MCM10: variants seen among roughly 807,000 people sequenced by gnomAD.
The protein encoded by MCM10 is protein MCM10 homolog.
Under a neutral mutation model 109.9 loss-of-function variants are expected in MCM10, and 91 were observed. The observed-to-expected ratio is 0.83, with a 90% CI of 0.70 to 0.99. The LOEUF (loss-of-function observed/expected upper bound fraction) is 0.99, where lower values mean the gene tolerates loss of function less well. MCM10 is among the 50% of genes least tolerant of loss of function. The pLI is 0.00. For missense variants in MCM10, 1,077 were observed against 1,061.2 expected (o/e 1.01, Z -0.21); for synonymous variants, 380 against 387.2 (o/e 0.98, Z 0.22).
intron 6 of MCM10, among the ~76,000 whole-genome samples, chr10:13,176,808 C>T (rs551256879): frequency 1.3e-5 from 2 of 152,250 alleles, no homozygotes; most frequent in Admixed American, 6.5e-5. Flanking sequence ...GCAGGAAGTT[C>T]GCTTGAGCCC....
intron 15 of MCM10, 35 bp from the exon 16 acceptor site, chr10:13,198,654 T>C (rs765870799): frequency 5.0e-6 from 7 of 1,413,096 alleles, no homozygotes; most frequent in East Asian, 2.3e-5. Context: ...CTGAAATTTC[T>C]TGGTCGCTGC....
intron 5 of MCM10, among the ~76,000 whole-genome samples, chr10:13,173,990 A>G (rs1834108674): frequency 6.6e-6 from 1 of 152,158 alleles, no homozygotes; most frequent in Non-Finnish European, 1.5e-5. Flanking sequence ...AAACACTTCT[A>G]AAATATGAAA....
intron 7 of MCM10, among the ~76,000 whole-genome samples, chr10:13,181,038 T>C (rs1834203201): frequency 6.6e-6 from 1 of 152,206 alleles, no homozygotes; most frequent in African/African-American, 2.4e-5. Flanking sequence ...TGTGATATAT[T>C]TAATTTGATG....
rs1834086179 is a variant in MCM10 at position 13,172,430 on chromosome 10, TAAC to T, written c.410_412del (p.Thr137del). 1.2e-6 allele frequency: 2 copies of T among 1,614,058 alleles called. No individual in the cohort carries two copies. The highest frequency in any genetic ancestry group is 1.7e-6 in the Non-Finnish European group (2 of 1,179,994). ...AAGGCCTTACAAGAGCAGCTAAAAG[TAAC>T]AACAATTAAACAGACAGCAAGCCCA... On this transcript the variant is annotated inframe_deletion, in exon 4 of 20. Coordinates refer to ENST00000378714, the MANE Select transcript of MCM10 (RefSeq NM_018518.5). This position sits in a 1 kb window ranked among gnomAD's most constrained non-coding sequence, Gnocchi z 5.2.
intron 18 of MCM10, among the ~76,000 whole-genome samples, chr10:13,205,049 T>C (rs1834560814): frequency 8.6e-6 from 1 of 116,166 alleles, no homozygotes; most frequent in Admixed American, 9.2e-5. Flanking sequence ...TATATATATA[T>C]ATATTAATTT....
Position 13,185,343 on chromosome 10 carries a change from G to T in MCM10, c.1099-821G>T, listed in dbSNP as rs562377284. On this transcript the variant is annotated intron_variant, in intron 8 of 19. Transcript: ENST00000378714. ...GAGCTATTCAGGACAGTCCCTCTTG[G>T]TACAGTCTGTCCAAGAAGAGAATTG... Among the ~76,000 whole-genome samples, 12 of 152,302 alleles carry T rather than the reference G, an allele frequency of 7.9e-5. No homozygotes were observed. In the South Asian group the frequency reaches 2.5e-3, roughly 32 times the overall value.
chr10:13,204,154 G>T (rs1050037891), intron 17 of MCM10, 65 bp from the exon 18 acceptor site: 2 of 1,577,532 alleles, frequency 1.3e-6, no homozygotes, highest in Non-Finnish European at 1.7e-6. Flanking sequence ...TGCCCTTACT[G>T]CAGCTGAGCA....
chr10:13,183,049 C>T lies in MCM10; in HGVS notation c.1047C>T (p.Val349=), dbSNP rs773249942. 25 of 1,614,000 alleles carry T rather than the reference C, an allele frequency of 1.5e-5. 1 individual carries two copies. Among genetic ancestry groups the T allele is most frequent in the Middle Eastern group, 3.3e-4 (2 of 6,084 alleles). ...KALWKTEQGT[V]VGILNANPMK... Reference sequence around the variant, plus strand: ...TCTGGAAGACGGAGCAGGGGACTGTCGTAGGGATCCTCAATGCCAACCCCA... The same window carrying T: ...TCTGGAAGACGGAGCAGGGGACTGTTGTAGGGATCCTCAATGCCAACCCCA... Residue 349 remains valine (V), a synonymous_variant, in exon 8 of 20, where the codon GTC becomes GTT. Coordinates refer to ENST00000378714, the MANE Select transcript of MCM10 (RefSeq NM_018518.5).
At chr10:13,168,604 GA>G (rs1024624250) in intron 2 of MCM10, among the ~76,000 whole-genome samples, 50 of 152,156 alleles carry the variant, frequency 3.3e-4, no homozygotes, top group South Asian at 1.2e-3. Flanking sequence ...AAATAGGGGG[GA>G]AAAAAGAGCA....
chr10:13,206,960 A>G (rs918970706), intron 18 of MCM10, among the ~76,000 whole-genome samples: 1 of 152,028 alleles, frequency 6.6e-6, no homozygotes, highest in Non-Finnish European at 1.5e-5. Context: ...GTGCACCACT[A>G]CACCCAGCTA....
chr10:13,197,879 TATAGAATACCTAA>T, intron 15 of MCM10, 112 bp downstream of exon 15: 3 of 1,071,336 alleles, frequency 2.8e-6, no homozygotes, highest in Non-Finnish European at 4.0e-6. Flanking sequence ...TTTCCTCCTA[TATAGAATACCTAA>T]ATAGAATTTC....
At chr10:13,167,130 A>G (rs1305781369) in intron 2 of MCM10, among the ~76,000 whole-genome samples, 1 of 152,104 alleles carries the variant, frequency 6.6e-6, no homozygotes, top group Admixed American at 6.5e-5. Context: ...CCCTGTCTTG[A>G]AAAATAAATA....
chr10:13,188,753 G>A (rs1350864225), intron 9 of MCM10, 128 bp from the exon 10 acceptor site: 9 of 809,390 alleles, frequency 1.1e-5, no homozygotes, highest in South Asian at 2.9e-5. Context: ...GGGAACGGTC[G>A]TGGAGGTCAG....
chr10:13,189,165 A>G (rs1355986222), intron 10 of MCM10, 85 bp downstream of exon 10: 10 of 1,389,544 alleles, frequency 7.2e-6, no homozygotes, highest in Non-Finnish European at 9.1e-6. Flanking sequence ...TGTAACCGTC[A>G]TAGGATACTT....
chr10:13,205,373 A>G (rs1189801601), intron 18 of MCM10, among the ~76,000 whole-genome samples: 2 of 152,084 alleles, frequency 1.3e-5, no homozygotes, highest in Non-Finnish European at 2.9e-5. Flanking sequence ...ATTCTTTGAT[A>G]TGGCTGAGCA....
intron 2 of MCM10, among the ~76,000 whole-genome samples, chr10:13,167,890 G>A (rs1834022773): frequency 6.6e-6 from 1 of 152,198 alleles, no homozygotes; most frequent in Non-Finnish European, 1.5e-5. Flanking sequence ...GAGCCACTGG[G>A]GATCCGAGAA....
intron 15 of MCM10, 150 bp downstream of exon 15, chr10:13,197,917 AT>A (rs34102127): frequency 0.51 from 260,037 of 511,218 alleles, 39,469 homozygotes; most frequent in African/African-American, 0.55. Flanking sequence ...GGTGGAACTG[AT>A]TTTTTTTTTT....
rs373254181 is a variant in MCM10, at chr10:13,172,788, A to G, written c.592+23A>G. 14 of 1,612,946 alleles carry G rather than the reference A, an allele frequency of 8.7e-6. No individual in the cohort carries two copies. Among genetic ancestry groups the G allele is most frequent in the South Asian group, 1.1e-5 (1 of 90,960 alleles). On this transcript the variant is annotated intron_variant, in intron 5 of 19. Coordinates refer to ENST00000378714, the MANE Select transcript of MCM10 (RefSeq NM_018518.5). The surrounding 1 kb of genome is among the most constrained non-coding windows in gnomAD (Gnocchi z 5.2). ...CAGGTGTAGTACTTGCGGTCTCAGT[A>G]TCTTGGCACTATTGTATGTGTTTAT...
intron 5 of MCM10, 106 bp from the exon 6 acceptor site, chr10:13,175,404 C>A: frequency 1.2e-6 from 1 of 864,478 alleles, no homozygotes. Flanking sequence ...CTGGGTGACA[C>A]AGTGAGTCCC....
Sources: allele counts gnomAD v4.1 joint callset (sites outside exome capture counted in the v4.1 genomes callset), GRCh38; gene constraint gnomAD v4.1.1; non-coding constraint Gnocchi (gnomAD v3.1); transcripts MANE v1.5; gene names NCBI Gene and HGNC (gene_info 2026-07-23, HGNC 2026-07-21).